The following ITK variants were observed in gnomAD, a reference collection of about 807,000 sequenced individuals.
ITK encodes IL2 inducible T cell kinase.
ITK carries 45 observed loss-of-function variants against 87.6 expected under a neutral mutation model. That is an observed-to-expected ratio of 0.51 (90% confidence interval 0.40 to 0.66). The LOEUF is 0.66. Ranked by LOEUF, ITK falls within the 30% of genes least tolerant of loss-of-function variation. The pLI, the probability that ITK is intolerant of heterozygous loss-of-function variation, is 0.00. For missense variants in ITK, 605 were observed against 766.3 expected, an observed-to-expected ratio of 0.79 and a Z score of 2.48; for synonymous variants, 303 against 273.6, an observed-to-expected ratio of 1.11 and a Z score of -1.06.
chr5:157,205,024 T>C (rs1754052155), intron 1 of ITK, among the ~76,000 whole-genome samples: 1 of 152,178 alleles, frequency 6.6e-6, no homozygotes, highest in Non-Finnish European at 1.5e-5. Flanking sequence ...GATGATGTAA[T>C]GGGTCCCTGG....
intron 1 of ITK, among the ~76,000 whole-genome samples, chr5:157,198,541 G>A (rs1449225120): frequency 6.6e-6 from 1 of 152,168 alleles, no homozygotes; most frequent in Non-Finnish European, 1.5e-5. Context: ...ACGAAGACAG[G>A]TGTGGGATGG....
At position 157,244,372 on chromosome 5, in the gene ITK, G is replaced by C. The variant is rs144735141; in HGVS notation, c.1343G>C (p.Arg448Pro). Residue 448 changes from arginine to proline, a missense_variant, in exon 13 of 17, where the codon CGC (arginine) becomes CCC (proline). By Grantham distance (103) the Arg-to-Pro change is moderately radical. Around this residue, in one of 3 missense-constraint regions of ITK, gnomAD observed 464 missense variants for 578.0 expected, o/e 0.80. Coordinates refer to ENST00000422843, the MANE Select transcript of ITK (RefSeq NM_005546.4). The part of the protein sequence containing the change: ...MEHGCLSDYL[R>P]TQRGLFAAET... ...CACGGCTGCCTGTCAGATTATCTAC[G>C]CACCCAGCGGGGACTTTTTGCTGCA... 3 of 1,613,778 alleles carry C rather than the reference G, an allele frequency of 1.9e-6. No homozygotes were observed. Among genetic ancestry groups the C allele is most frequent in the African/African-American group, 2.7e-5 (2 of 74,872 alleles).
At position 157,253,853 on chromosome 5, in the gene ITK, C is replaced by T. The variant is rs1755199019; in HGVS notation, c.*1175C>T. On this transcript the variant is annotated 3_prime_UTR_variant, in exon 17 of 17. Transcript: ENST00000422843. The stretch of plus-strand genomic sequence containing the variant: ...GTGCTTCCAAGAGGCATGAGAGTGC[C>T]TACTCTGGCTTGAGCACTTCTATAT... 1 of 222,812 alleles carries T rather than the reference C, an allele frequency of 4.5e-6. No individual in the cohort carries two copies. Among genetic ancestry groups the T allele is most frequent in the Non-Finnish European group, 9.0e-6 (1 of 111,730 alleles). 13.8% of individuals were successfully genotyped at this position (222,812 alleles called of 1,614,324 possible).
intron 5 of ITK, among the ~76,000 whole-genome samples, chr5:157,220,056 T>C (rs959375250): frequency 1.3e-5 from 2 of 152,238 alleles, no homozygotes; most frequent in African/African-American, 4.8e-5. Context: ...ATTTCTCTCC[T>C]CACCTTCTTG....
intron 1 of ITK, among the ~76,000 whole-genome samples, chr5:157,186,935 C>T (rs1485782151): frequency 1.3e-5 from 2 of 152,188 alleles, no homozygotes; most frequent in Non-Finnish European, 2.9e-5. Flanking sequence ...CTTCATCAGA[C>T]GTTGATGTGT....
chr5:157,252,522 G>C lies in ITK; in HGVS notation c.1792-85G>C, dbSNP rs917869690. ...GCACATACAAAAATCCACAGGGGAT[G>C]CTGCTATTAAATTCTGGTTTGTTTT... On this transcript the variant is annotated intron_variant, in intron 16 of 16. Coordinates refer to ENST00000422843, the MANE Select transcript of ITK (RefSeq NM_005546.4). The C allele has an allele frequency of 3.2e-6, 3 of 942,996 alleles. No individual in the cohort carries two copies. In the African/African-American group the frequency reaches 4.8e-5, roughly 15 times the overall value. 58.4% of individuals were successfully genotyped at this position (942,996 alleles called of 1,614,324 possible).
In ITK at chr5:157,200,505, C is replaced by T. The variant is rs145742246; in HGVS notation, c.139-8384C>T. Among the ~76,000 whole-genome samples the T allele has an allele frequency of 9.6e-3, 1,458 of 152,234 alleles. 14 individuals are homozygous for T. The highest frequency in any genetic ancestry group is 0.014 in the Admixed American group (217 of 15,280). ...CCCTTTCCCAGAGACTGAACTGTGT[C>T]GGGCTCATTGACCAGCCACCCCCCG... On this transcript the variant is annotated intron_variant, in intron 1 of 16. Coordinates refer to ENST00000422843, the MANE Select transcript of ITK (RefSeq NM_005546.4).
intron 1 of ITK, among the ~76,000 whole-genome samples, chr5:157,191,114 T>C (rs1753744708): frequency 6.8e-6 from 1 of 146,710 alleles, no homozygotes; most frequent in Non-Finnish European, 1.5e-5. Flanking sequence ...AGTTGTCTTA[T>C]GTTTTTTTAT....
intron 1 of ITK, among the ~76,000 whole-genome samples, chr5:157,182,503 A>G (rs1272058395): frequency 1.3e-5 from 2 of 152,198 alleles, no homozygotes; most frequent in Non-Finnish European, 1.5e-5. Context: ...TTGTCTTATT[A>G]TCAGACTCTT....
chr5:157,221,219 C>T (rs563271590), intron 5 of ITK, among the ~76,000 whole-genome samples: 8 of 151,772 alleles, frequency 5.3e-5, no homozygotes, highest in Non-Finnish European at 1.2e-4. Context: ...TTTGGCATCT[C>T]GAATGCAACT....
In ITK at chr5:157,254,582, A is replaced by G. The variant is rs1219165364; in HGVS notation, c.*1904A>G. 1 of 218,578 alleles carries G rather than the reference A, an allele frequency of 4.6e-6. No individual in the cohort carries two copies. The highest frequency in any genetic ancestry group is 2.2e-5 in the African/African-American group (1 of 44,514). 13.5% of individuals were successfully genotyped at this position (218,578 alleles called of 1,614,324 possible). A position where few individuals can be genotyped will look rare whatever the true frequency, so the allele number is the denominator to read the frequency against. The stretch of plus-strand genomic sequence containing the variant: ...TTGAGATTCAGATGCATAATTTTTA[A>G]TTATAATTATTGTGAAGTGGAGAGC... On this transcript the variant is annotated 3_prime_UTR_variant, in exon 17 of 17. Coordinates refer to ENST00000422843, the MANE Select transcript of ITK (RefSeq NM_005546.4).
At chr5:157,208,739 G>T in intron 1 of ITK, 150 bp from the exon 2 acceptor site, 1 of 668,098 alleles carries the variant, frequency 1.5e-6, no homozygotes, top group Non-Finnish European at 2.7e-6. Flanking sequence ...CACACTTAGG[G>T]CCAGGAGGCA....
intron 16 of ITK, among the ~76,000 whole-genome samples, chr5:157,251,450 T>C (rs1755137559): frequency 6.6e-6 from 1 of 152,224 alleles, no homozygotes; most frequent in Admixed American, 6.5e-5. Flanking sequence ...CTGTGGCATG[T>C]CTTCTCATTC....
chr5:157,231,021 G>A lies in ITK; in HGVS notation c.714-1319G>A, dbSNP rs541642591. On this transcript the variant is annotated intron_variant, in intron 7 of 16. Coordinates refer to ENST00000422843, the MANE Select transcript of ITK (RefSeq NM_005546.4). ...ATAACTGGATATATGAAAGATTCCAGTATGATAACTTTTTATTCGTGAACT... is the reference window on the plus strand; with the variant it reads ...ATAACTGGATATATGAAAGATTCCAATATGATAACTTTTTATTCGTGAACT... 1.3e-3 allele frequency among the ~76,000 whole-genome samples: 196 copies of A among 152,300 alleles called. 1 individual carries two copies. The highest frequency in any genetic ancestry group is 4.5e-3 in the African/African-American group (187 of 41,574).
intron 3 of ITK, among the ~76,000 whole-genome samples, chr5:157,212,266 AC>A (rs1379834928): frequency 6.6e-6 from 1 of 152,248 alleles, no homozygotes; most frequent in Non-Finnish European, 1.5e-5. Flanking sequence ...AGCCTGAAGC[AC>A]TGGATGTGTC....
intron 1 of ITK, among the ~76,000 whole-genome samples, chr5:157,184,568 C>A (rs1753604886): frequency 6.6e-6 from 1 of 152,076 alleles, no homozygotes; most frequent in Non-Finnish European, 1.5e-5. Flanking sequence ...GAAGAGGCAG[C>A]CTAAATGGGA....
At chr5:157,247,373 C>T (rs1291408103) in intron 15 of ITK, among the ~76,000 whole-genome samples, 1 of 152,202 alleles carries the variant, frequency 6.6e-6, no homozygotes, top group Non-Finnish European at 1.5e-5. Flanking sequence ...TCCCCTCTCC[C>T]CAGTGTGTAT....
At chr5:157,185,833 G>T (rs412049) in intron 1 of ITK, among the ~76,000 whole-genome samples, 23,800 of 151,980 alleles carry the variant, frequency 0.16, 2,185 homozygotes, top group African/African-American at 0.25. Flanking sequence ...AACAGGCTGA[G>T]ACCTGGTCTC....
chr5:157,202,388 A>G (rs1003521063), intron 1 of ITK, among the ~76,000 whole-genome samples: 1 of 151,932 alleles, frequency 6.6e-6, no homozygotes, highest in African/African-American at 2.4e-5. Flanking sequence ...TAATTTTTAT[A>G]TTTTTAGTAG....
Sources: allele counts gnomAD v4.1 joint callset (sites outside exome capture counted in the v4.1 genomes callset), GRCh38; gene constraint gnomAD v4.1.1; regional missense constraint gnomAD v4.1.1; transcripts MANE v1.5; gene names NCBI Gene and HGNC (gene_info 2026-07-23, HGNC 2026-07-21).